The following DDX41 variants were observed in gnomAD, a reference collection of about 807,000 sequenced individuals.
The protein encoded by DDX41 is DEAD-box helicase 41.
In DDX41, 50 loss-of-function variants were observed where a neutral mutation model predicts 78.8. The ratio of observed to expected loss-of-function variants is 0.63; its 90% CI spans 0.51 to 0.80. The LOEUF is 0.80. Among genes scored for constraint, DDX41 ranks in the 30% least tolerant of loss-of-function variants. The probability of loss-of-function intolerance (pLI) is 0.00; values close to 1 mark genes in which losing one functional copy is unlikely to be tolerated. For synonymous variants in DDX41, 381 were observed against 321.5 expected, an observed-to-expected ratio of 1.19 and a Z score of -1.98; for missense variants, 633 against 849.2, an observed-to-expected ratio of 0.75 and a Z score of 3.16.
rs754905886 is a variant in DDX41 at position 177,514,168 on chromosome 5, C to T, written c.936-321G>A. Reference sequence around the variant, plus strand: ...GCCCACTGGCTTCACCTTTTCTGTGCTCACCATCTCCCTAATACTCAGAAG... The same window carrying T: ...GCCCACTGGCTTCACCTTTTCTGTGTTCACCATCTCCCTAATACTCAGAAG... On this transcript the variant is annotated intron_variant, in intron 9 of 16. Coordinates refer to ENST00000330503, the MANE Select transcript of DDX41 (RefSeq NM_016222.4). The surrounding 1 kb of genome is among the most constrained non-coding windows in gnomAD (Gnocchi z 4.2). The T allele has an allele frequency of 1.8e-6, 1 of 549,866 alleles. No homozygotes were observed. The highest frequency in any genetic ancestry group is 1.5e-5 in the South Asian group (1 of 65,360). The allele number at this position is 549,866 out of a possible 1,614,324, so 34.1% of individuals were successfully genotyped here.
intron 2 of DDX41, 122 bp from the exon 3 acceptor site, chr5:177,516,569 T>G: frequency 1.4e-6 from 2 of 1,420,292 alleles, no homozygotes; most frequent in Non-Finnish European, 1.9e-6. Context: ...ACCCCTCAGA[T>G]CAAGCCGTCG....
chr5:177,516,486 G>A (rs1363394611), intron 2 of DDX41, 39 bp from the exon 3 acceptor site: 1 of 1,608,910 alleles, frequency 6.2e-7, no homozygotes, highest in Non-Finnish European at 8.5e-7. Context: ...GGATGGGCAT[G>A]GAGTCCACAA....
intron 6 of DDX41, 127 bp downstream of exon 6, chr5:177,515,558 C>T (rs1191807718): frequency 8.2e-6 from 10 of 1,223,158 alleles, no homozygotes; most frequent in Non-Finnish European, 1.2e-5. Context: ...AGAAACTCCT[C>T]CTCAAATCCC....
Position 177,513,909 on chromosome 5 carries a change from G to A in DDX41, c.936-62C>T, listed in dbSNP as rs1250165294. ...TGGCCTATCACCTATCTAGAGGCAA[G>A]CAGGCACCCTGCATCTGCTCTGCTC... On this transcript the variant is annotated intron_variant, in intron 9 of 16. Coordinates refer to ENST00000330503, the MANE Select transcript of DDX41 (RefSeq NM_016222.4). The surrounding 1 kb of genome is among the most constrained non-coding windows in gnomAD (Gnocchi z 4.6). The A allele has an allele frequency of 5.8e-6, 9 of 1,541,062 alleles. No homozygotes were observed. In the East Asian group the frequency reaches 2.0e-4, roughly 35 times the overall value.
chr5:177,513,665 T>G lies in DDX41; in HGVS notation c.1098+20A>C. 6.2e-7 allele frequency: 1 copy of G among 1,612,012 alleles called. No individual in the cohort carries two copies. Among genetic ancestry groups the G allele is most frequent in the Non-Finnish European group, 8.5e-7 (1 of 1,179,474 alleles). On this transcript the variant is annotated intron_variant, in intron 10 of 16. Transcript: ENST00000330503. This position sits in a 1 kb window ranked among gnomAD's most constrained non-coding sequence, Gnocchi z 4.6. ...CAGTGGGGGGCGGTGCAGGGTGCCCTGGCCGGGCGGGGGCGGCACCTTGAA... is the reference window on the plus strand; with the variant it reads ...CAGTGGGGGGCGGTGCAGGGTGCCCGGGCCGGGCGGGGGCGGCACCTTGAA...
Position 177,515,050 on chromosome 5 carries a change from T to C in DDX41, c.664A>G (p.Ile222Val). 1 of 1,613,214 alleles carries C rather than the reference T, an allele frequency of 6.2e-7. No homozygotes were observed. The highest frequency in any genetic ancestry group is 8.5e-7 in the Non-Finnish European group (1 of 1,179,326). Residue 222 changes from isoleucine to valine, a missense_variant, in exon 8 of 17, where the codon ATA becomes GTA. By Grantham distance (29) the Ile-to-Val change is conservative. Coordinates refer to ENST00000330503, the MANE Select transcript of DDX41 (RefSeq NM_016222.4). Reference protein sequence around the residue: ...IPTILSGRDMIGIAFTGSGKT... With the variant: ...IPTILSGRDMVGIAFTGSGKT... Reference sequence around the variant, plus strand: ...CCTGAACCCGTGAAAGCGATGCCTATCATGTCACGGCCAGATAGACTGTTG... The same window carrying C: ...CCTGAACCCGTGAAAGCGATGCCTACCATGTCACGGCCAGATAGACTGTTG...
chr5:177,516,521 G>A (rs551450712), intron 2 of DDX41, 74 bp from the exon 3 acceptor site: 2 of 1,570,158 alleles, frequency 1.3e-6, no homozygotes, highest in South Asian at 2.2e-5. Context: ...TCCTGGCTTT[G>A]GGGCGAGGAT....
chr5:177,511,832 C>T lies in DDX41; in HGVS notation c.1828G>A (p.Gly610Ser), dbSNP rs763471166. 11 of 1,614,016 alleles carry T rather than the reference C, an allele frequency of 6.8e-6. No individual in the cohort carries two copies. Among genetic ancestry groups the T allele is most frequent in the South Asian group, 1.1e-5 (1 of 91,086 alleles). The change falls in exon 17 of 17, where the codon GGT (glycine) becomes AGT (serine). Residue 610 changes from glycine to serine, a missense_variant. Gly to Ser is a moderately conservative substitution (Grantham distance 56). Coordinates refer to ENST00000330503, the MANE Select transcript of DDX41 (RefSeq NM_016222.4). Reference protein sequence around the residue: ...AMQTKQVSNIGRKDYLAHSSM... With the variant: ...AMQTKQVSNISRKDYLAHSSM... ...CTGTGGGCCAGGTAGTCCTTGCGAC[C>T]GATGTTGCTGACCTGCTTGGTCTGC...
intron 6 of DDX41, 45 bp downstream of exon 6, chr5:177,515,640 C>T (rs376564166): frequency 5.6e-6 from 9 of 1,606,632 alleles, no homozygotes; most frequent in African/African-American, 1.3e-5. Context: ...ACCTCACAGG[C>T]ATTTGATTAT....
intron 3 of DDX41, 44 bp downstream of exon 3, chr5:177,516,244 G>A (rs368979000): frequency 1.4e-5 from 23 of 1,614,142 alleles, no homozygotes; most frequent in Admixed American, 6.7e-5. Flanking sequence ...GGTGTACCAG[G>A]CTCAGCTTCT....
chr5:177,515,487 C>A (rs1208901560), intron 6 of DDX41, 198 bp downstream of exon 6: 10 of 896,748 alleles, frequency 1.1e-5, no homozygotes, highest in South Asian at 8.7e-5. Flanking sequence ...CACTTTCCTC[C>A]TGAAGCTTTG....
In DDX41 at chr5:177,515,782, C is replaced by G. The variant is rs767486464; in HGVS notation, c.474G>C (p.Glu158Asp). 5.0e-6 allele frequency: 8 copies of G among 1,614,180 alleles called. No homozygotes were observed. The South Asian group carries it at 8.8e-5, about 18-fold the overall frequency. The change falls in exon 6 of 17, where the codon GAG (glutamate) becomes GAC (aspartate). Residue 158 changes from glutamate (E) to aspartate (D), a missense_variant. Around this residue, in one of 6 missense-constraint regions of DDX41, gnomAD observed 126 missense variants for 115.5 expected, o/e 1.09. Transcript: ENST00000330503. ...PPRYVLSMSE[E>D]RHERVRKKYH... ...ATTTCTTCCGCACGCGCTCATGTCG[C>G]TCTTCAGACATGCTCAGAACATAAC...
rs1761181254 is a variant in DDX41 at position 177,515,416 on chromosome 5, T to C, written c.572-158A>G. The C allele has an allele frequency of 9.6e-6, 9 of 942,100 alleles. No homozygotes were observed. In the South Asian group the frequency reaches 1.1e-4, roughly 12 times the overall value. 58.4% of individuals were successfully genotyped at this position (942,100 alleles called of 1,614,324 possible). ...GAAAAAAAAAAAGAAAAAAAGAGAC[T>C]TGTCCAAGGCCCACAGGCTAGGTGC... On this transcript the variant is annotated intron_variant, in intron 6 of 16. Transcript: ENST00000330503.
chr5:177,515,398 A>T, intron 6 of DDX41, 140 bp from the exon 7 acceptor site: 1 of 992,814 alleles, frequency 1.0e-6, no homozygotes, highest in Non-Finnish European at 1.6e-6. Context: ...GTGGAAAAAA[A>T]AAAAGAAAAA....
chr5:177,516,575 C>T (rs1761244530), intron 2 of DDX41, 128 bp from the exon 3 acceptor site: 2 of 1,399,906 alleles, frequency 1.4e-6, no homozygotes, highest in Non-Finnish European at 9.9e-7. Flanking sequence ...CAGATCAAGC[C>T]GTCGGTCCCT....
At chr5:177,515,609 C>T in intron 6 of DDX41, 76 bp downstream of exon 6, 1 of 1,565,452 alleles carries the variant, frequency 6.4e-7, no homozygotes, top group Non-Finnish European at 8.7e-7. Context: ...TGTGGCTGAG[C>T]TCAGTGGGAG....
At position 177,515,246 on chromosome 5, in the gene DDX41, C is replaced by A. The variant is rs745329544; in HGVS notation, c.584G>T (p.Gly195Val). 6.2e-7 allele frequency: 1 copy of A among 1,614,014 alleles called. No homozygotes were observed. Among genetic ancestry groups the A allele is most frequent in the Non-Finnish European group, 8.5e-7 (1 of 1,180,014 alleles). Residue 195 changes from glycine (G) to valine (V), a missense_variant, in exon 7 of 17, where the codon GGC becomes GTC. By Grantham distance (109) the Gly-to-Val change is moderately radical. This residue lies in a region of DDX41 where 126 missense variants were observed against 115.5 expected (regional missense o/e 1.09). Coordinates refer to ENST00000330503, the MANE Select transcript of DDX41 (RefSeq NM_016222.4). ...GTGGTGAATGCCTTTCTTCTTCAGG[C>A]CTCTCAGGATGGCTATGAAAACCAA... ...EMKFPAAILR[G>V]LKKKGIHHPT...
At chr5:177,516,563 C>T in intron 2 of DDX41, 116 bp from the exon 3 acceptor site, 1 of 1,442,996 alleles carries the variant, frequency 6.9e-7, no homozygotes. Context: ...TGCCCTACCC[C>T]TCAGATCAAG....
At position 177,513,636 on chromosome 5, in the gene DDX41, C is replaced by A; in HGVS notation, c.1098+49G>T. ...ATGGGGTCCCTGCAGTCTGATGTGG[C>A]GTGCAGTGGGGGGCGGTGCAGGGTG... On this transcript the variant is annotated intron_variant, in intron 10 of 16. Coordinates refer to ENST00000330503, the MANE Select transcript of DDX41 (RefSeq NM_016222.4). This position sits in a 1 kb window ranked among gnomAD's most constrained non-coding sequence, Gnocchi z 4.6. 2 of 1,606,994 alleles carry A rather than the reference C, an allele frequency of 1.2e-6. No individual in the cohort carries two copies. The highest frequency in any genetic ancestry group is 1.7e-6 in the Non-Finnish European group (2 of 1,175,306).
Sources: gnomAD v4.1 joint callset for allele counts on GRCh38, gnomAD v4.1.1 for gene constraint, gnomAD v4.1.1 regional missense constraint, Gnocchi (gnomAD v3.1) non-coding constraint, MANE v1.5 for transcripts, NCBI Gene and HGNC (gene_info 2026-07-23, HGNC 2026-07-21) for gene names.